CELF2: variants seen among roughly 807,000 people sequenced by gnomAD.
CELF2 encodes the protein CUG triplet repeat RNA-binding protein 2.
In CELF2, 8 loss-of-function variants were observed where a neutral mutation model predicts 62.6. That is an observed-to-expected ratio of 0.13 (90% CI 0.07 to 0.23). The LOEUF is 0.23. CELF2 is among the 10% of genes least tolerant of loss of function. The pLI is 1.00. For synonymous variants in CELF2, 258 were observed against 250.0 expected, an observed-to-expected ratio of 1.03 and a Z score of -0.30; for missense variants, 333 against 671.0, an observed-to-expected ratio of 0.50 and a Z score of 5.56.
At chr10:10,646,358 C>T in the CELF2 span, among the ~76,000 whole-genome samples, 13 of 152,198 alleles carry the variant, frequency 8.5e-5, no homozygotes, top group Non-Finnish European at 1.3e-4. Context: ...TCCATTTCAA[C>T]GAAAGCCACG....
chr10:11,239,828 G>A (rs75558932), intron 3 of CELF2, among the ~76,000 whole-genome samples: 12,529 of 152,200 alleles, frequency 0.082, 515 homozygotes, highest in Middle Eastern at 0.14. Context: ...GGAGGCCTAG[G>A]CAGGTGGATC....
chr10:11,292,259 G>A (rs2092623960), intron 9 of CELF2, among the ~76,000 whole-genome samples: 1 of 152,222 alleles, frequency 6.6e-6, no homozygotes, highest in African/African-American at 2.4e-5. Flanking sequence ...CTATCTGAGG[G>A]TAACAGAGAT....
In CELF2 at chr10:11,244,658, C is replaced by CAA. The variant is rs35750059; in HGVS notation, c.355-4483_355-4482dup. On this transcript the variant is annotated intron_variant, in intron 3 of 12. Transcript: ENST00000633077. The surrounding 1 kb of genome is among the most constrained non-coding windows in gnomAD (Gnocchi z 4.2). Reference sequence around the variant, plus strand: ...TAGGTGACAGAGCAAGACTCCGTCTCAAAAAAAAAAAAACAGCATAAAAAC... The same window carrying CAA: ...TAGGTGACAGAGCAAGACTCCGTCTCAAAAAAAAAAAAAAACAGCATAAAAAC... Among the ~76,000 whole-genome samples the CAA allele has an allele frequency of 0.01, 1,465 of 142,260 alleles. 17 individuals are homozygous for CAA. Among genetic ancestry groups the CAA allele is most frequent in the African/African-American group, 0.027 (1,055 of 38,750 alleles). 93.3% of individuals were successfully genotyped at this position (142,260 alleles called of 152,430 possible).
chr10:10,660,400 T>G, the CELF2 span, among the ~76,000 whole-genome samples: 1 of 152,192 alleles, frequency 6.6e-6, no homozygotes, highest in Admixed American at 6.5e-5. Flanking sequence ...TCTAGAGTGT[T>G]CACCTTTCAG....
At chr10:11,259,711 C>T (rs1460777611) in intron 5 of CELF2, among the ~76,000 whole-genome samples, 3 of 152,156 alleles carry the variant, frequency 2.0e-5, no homozygotes, top group Non-Finnish European at 4.4e-5. Flanking sequence ...ACTAGCATGC[C>T]TTCCTAGGGG....
chr10:11,139,414 A>G (rs916858245), intron 1 of CELF2, among the ~76,000 whole-genome samples: 4 of 152,188 alleles, frequency 2.6e-5, no homozygotes, highest in African/African-American at 9.6e-5. Flanking sequence ...AAAATTCAGG[A>G]TTATTTTTGA....
intron 7 of CELF2, 96 bp from the exon 8 acceptor site, chr10:11,274,961 C>A: frequency 3.3e-6 from 4 of 1,203,444 alleles, no homozygotes; most frequent in Non-Finnish European, 4.9e-6. Flanking sequence ...GCAACCAACC[C>A]TGGAAATGCA....
At chr10:10,573,345 C>T in the CELF2 span, among the ~76,000 whole-genome samples, 2 of 152,156 alleles carry the variant, frequency 1.3e-5, no homozygotes, top group Non-Finnish European at 2.9e-5. Flanking sequence ...TGTGCAGAAG[C>T]TCTTTAATTA....
the CELF2 span, among the ~76,000 whole-genome samples, chr10:10,662,235 G>A: frequency 2.0e-5 from 3 of 152,288 alleles, no homozygotes; most frequent in Middle Eastern, 3.4e-3. Flanking sequence ...ATATGTCCAA[G>A]GTAGAACAAT....
the CELF2 span, among the ~76,000 whole-genome samples, chr10:10,619,610 G>T: frequency 1.6e-4 from 25 of 152,138 alleles, no homozygotes; most frequent in Non-Finnish European, 3.4e-4. Context: ...TACCCACCTG[G>T]CCCTTGCCTG....
the CELF2 span, among the ~76,000 whole-genome samples, chr10:10,749,654 AAAG>A: frequency 2.6e-5 from 4 of 152,236 alleles, no homozygotes; most frequent in African/African-American, 9.6e-5. Context: ...GTATACATGA[AAAG>A]AAGGCTGCTC....
intron 2 of CELF2, among the ~76,000 whole-genome samples, chr10:11,171,678 A>G (rs1198150539): frequency 6.6e-6 from 1 of 152,238 alleles, no homozygotes; most frequent in Non-Finnish European, 1.5e-5. Flanking sequence ...TAGTACTGGT[A>G]CTTATCATGA....
rs2057545686 is a variant in CELF2 at position 11,018,008 on chromosome 10, C to T, written c.-82C>T. 9.5e-7 allele frequency: 1 copy of T among 1,050,548 alleles called. No individual in the cohort carries two copies. The highest frequency in any genetic ancestry group is 1.7e-5 in the African/African-American group (1 of 57,978). The allele number at this position is 1,050,548 out of a possible 1,614,324, so 65.1% of individuals were successfully genotyped here. A position where few individuals can be genotyped will look rare whatever the true frequency, so the allele number is the denominator to read the frequency against. ...CCGGGGGAGGCCGCGCGCACCTGTC[C>T]CTGCCCGTCTCGCGCCGCCCGCGGC... is the stretch of plus-strand genomic sequence containing the variant. On this transcript the variant is annotated 5_prime_UTR_variant, in exon 1 of 13. Coordinates refer to ENST00000633077, the MANE Select transcript of CELF2 (RefSeq NM_001326342.2).
chr10:11,176,717 C>T (rs1225430800), intron 2 of CELF2, among the ~76,000 whole-genome samples: 2 of 152,180 alleles, frequency 1.3e-5, no homozygotes, highest in African/African-American at 2.4e-5. Flanking sequence ...GATGTTCTCT[C>T]TGCCACAGAG....
At chr10:11,231,980 G>C (rs1195362910) in intron 3 of CELF2, among the ~76,000 whole-genome samples, 1 of 151,720 alleles carries the variant, frequency 6.6e-6, no homozygotes, top group Non-Finnish European at 1.5e-5. Context: ...TTAGTGTTAA[G>C]TACCACCGCC....
rs2053625296 is a variant in CELF2, at chr10:10,993,334, GA to G, written c.89+73336del. On this transcript the variant is annotated intron_variant, in intron 2 of 13. Transcript: ENST00000636488. The surrounding 1 kb of genome is among the most constrained non-coding windows in gnomAD (Gnocchi z 5.3). ...TTGACTCATTTCAAAGCCATCACAA[GA>G]GGCATCTAATTGAAGCTACTAGAAA... is the stretch of plus-strand genomic sequence containing the variant. 6.6e-6 allele frequency among the ~76,000 whole-genome samples: 1 copy of G among 152,056 alleles called. No homozygotes were observed. Among genetic ancestry groups the G allele is most frequent in the Non-Finnish European group, 1.5e-5 (1 of 68,008 alleles).
intron 2 of CELF2, among the ~76,000 whole-genome samples, chr10:10,982,119 C>G (rs577748945): frequency 6.6e-6 from 1 of 152,088 alleles, no homozygotes; most frequent in East Asian, 1.9e-4. Flanking sequence ...CCATGGCTGG[C>G]TAATTTTTTT....
intron 1 of CELF2, among the ~76,000 whole-genome samples, chr10:11,050,959 AG>A (rs1315232851): frequency 6.6e-6 from 1 of 152,198 alleles, no homozygotes; most frequent in African/African-American, 2.4e-5. Flanking sequence ...TTCCACTGTG[AG>A]GAAAGGAGTG....
the CELF2 span, among the ~76,000 whole-genome samples, chr10:10,518,371 T>A: frequency 6.6e-6 from 1 of 152,188 alleles, no homozygotes; most frequent in Non-Finnish European, 1.5e-5. Flanking sequence ...GACGCTGAAA[T>A]GGTGATAAAG....
Sources: gnomAD v4.1 joint callset for allele counts (sites outside exome capture counted in the v4.1 genomes callset) on GRCh38, gnomAD v4.1.1 for gene constraint, Gnocchi (gnomAD v3.1) non-coding constraint, MANE v1.5 for transcripts, NCBI Gene and HGNC (gene_info 2026-07-23, HGNC 2026-07-21) for gene names.